The following ERICH5 variants were observed in gnomAD, a reference collection of about 807,000 sequenced individuals.
ERICH5 encodes glutamate rich 5, also known as glutamate-rich protein 5.
A neutral mutation model predicts 28.0 loss-of-function variants in ERICH5; 24 were observed. That is an observed-to-expected ratio of 0.86 (90% CI 0.62 to 1.21). ERICH5 has a LOEUF of 1.21. Ranked by LOEUF, ERICH5 falls within the 50% of genes most tolerant of loss-of-function variation. The probability of loss-of-function intolerance (pLI) is 0.00; values close to 1 mark genes in which losing one functional copy is unlikely to be tolerated. For missense variants in ERICH5, 421 were observed against 441.2 expected (o/e 0.95, Z 0.41); for synonymous variants, 163 against 157.6 (o/e 1.03, Z -0.25).
intron 1 of ERICH5, among the ~76,000 whole-genome samples, chr8:98,069,400 C>A (rs1027423232): frequency 6.6e-6 from 1 of 150,514 alleles, no homozygotes; most frequent in South Asian, 2.1e-4. Context: ...TTTATATATT[C>A]TTTTGAAGTT....
At chr8:98,091,621 A>G (rs1563759295) in intron 2 of ERICH5, among the ~76,000 whole-genome samples, 2 of 152,236 alleles carry the variant, frequency 1.3e-5, no homozygotes. Context: ...AGCTCCAGCC[A>G]TGGAACTAGG....
rs1469623836 is a variant in ERICH5 at position 98,091,925 on chromosome 8, CTTTCTTT to C, written c.1013-1295_1013-1289del. Among the ~76,000 whole-genome samples the C allele has an allele frequency of 8.0e-4, 53 of 66,486 alleles. 3 individuals carry two copies. The highest frequency in any genetic ancestry group is 3.0e-3 in the African/African-American group (50 of 16,398). The allele number at this position is 66,486 out of a possible 152,430, so 43.6% of individuals were successfully genotyped here. A position where few individuals can be genotyped will look rare whatever the true frequency, so the allele number is the denominator to read the frequency against. On this transcript the variant is annotated intron_variant, in intron 2 of 2. Coordinates refer to ENST00000318528, the MANE Select transcript of ERICH5 (RefSeq NM_173549.3). ...CCTTTCTTTCTTTCTTTCTTCCTTT[CTTTCTTT>C]CTTCCTTTCTTTCTTTCTTCTTTCT...
intron 1 of ERICH5, among the ~76,000 whole-genome samples, chr8:98,068,753 A>G (rs1313492331): frequency 6.6e-6 from 1 of 152,206 alleles, no homozygotes; most frequent in African/African-American, 2.4e-5. Flanking sequence ...CTTCTTTCCA[A>G]GGTGTTACAG....
At chr8:98,090,424 G>T (rs951985474) in intron 2 of ERICH5, among the ~76,000 whole-genome samples, 22 of 151,996 alleles carry the variant, frequency 1.4e-4, no homozygotes, top group Non-Finnish European at 2.8e-4. Context: ...TATACATAAT[G>T]GATCTTAGAA....
chr8:98,077,099 T>C (rs887762105), intron 1 of ERICH5, among the ~76,000 whole-genome samples: 10 of 128,514 alleles, frequency 7.8e-5, no homozygotes, highest in African/African-American at 2.7e-4. Flanking sequence ...CCTGTCTCTA[T>C]TAAAAAAAAA....
chr8:98,080,538 A>G (rs1815159884), intron 1 of ERICH5, among the ~76,000 whole-genome samples: 1 of 152,166 alleles, frequency 6.6e-6, no homozygotes, highest in Non-Finnish European at 1.5e-5. Flanking sequence ...AGATGGTTCA[A>G]AACAACTATT....
At chr8:98,080,776 C>G (rs1815169422) in intron 1 of ERICH5, among the ~76,000 whole-genome samples, 1 of 145,410 alleles carries the variant, frequency 6.9e-6, no homozygotes, top group African/African-American at 2.5e-5. Flanking sequence ...GATCTTGGCT[C>G]ACTACAACCT....
intron 1 of ERICH5, among the ~76,000 whole-genome samples, chr8:98,071,671 A>G (rs147425091): frequency 6.6e-6 from 1 of 151,700 alleles, no homozygotes; most frequent in Admixed American, 6.6e-5. Context: ...AAAGTGCCAG[A>G]CTATAGCTCT....
rs1476694437 is a variant in ERICH5 at position 98,064,678 on chromosome 8, C to T, written c.9C>T (p.Cys3=). MG[C]SSSALNKAGD... is the part of the protein sequence containing the mutation. ...TGTCTGCGCTCCCCGCAATGGGCTG[C>T]TCCAGCAGCGCCCTCAACAAGGCCG... The change falls in exon 1 of 3, where the codon TGC becomes TGT. Residue 3 remains cysteine (C), a synonymous_variant. Transcript: ENST00000318528. 1.3e-6 allele frequency: 2 copies of T among 1,536,774 alleles called. No individual in the cohort carries two copies. Among genetic ancestry groups the T allele is most frequent in the Non-Finnish European group, 8.7e-7 (1 of 1,143,310 alleles).
intron 1 of ERICH5, among the ~76,000 whole-genome samples, chr8:98,064,932 C>T (rs1329836425): frequency 1.3e-5 from 2 of 152,214 alleles, no homozygotes; most frequent in Non-Finnish European, 2.9e-5. Context: ...TGCGGCGGCC[C>T]TGGTGCGCTC....
chr8:98,084,538 G>T (rs1463196188), intron 1 of ERICH5, among the ~76,000 whole-genome samples: 1 of 151,940 alleles, frequency 6.6e-6, no homozygotes, highest in Non-Finnish European at 1.5e-5. Context: ...ATGCAACCAC[G>T]CCTGGCTAAT....
At chr8:98,091,900 C>CCTTTCTTTCTTTCTTTCTTTCTTTCTTT (rs74202034) in intron 2 of ERICH5, among the ~76,000 whole-genome samples, 109 of 74,696 alleles carry the variant, frequency 1.5e-3, no homozygotes, top group African/African-American at 2.0e-3. Flanking sequence ...TTCTTTCTTT[C>CCTTTCTTTCTTTCTTTCTTTCTTTCTTT]CTTTCTTTCT....
At chr8:98,081,086 T>C (rs201926971) in intron 1 of ERICH5, among the ~76,000 whole-genome samples, 41 of 149,626 alleles carry the variant, frequency 2.7e-4, no homozygotes, top group Admixed American at 1.6e-3. Context: ...CATAATTTCT[T>C]TCTCTCTCTC....
Position 98,093,092 on chromosome 8 carries a change from A to G in ERICH5, c.1013-129A>G, listed in dbSNP as rs929628897. ...CCAGCTGAGATGATTACTTTTCTTG[A>G]TACCCCCAGAGAAACTTACTGCTTA... On this transcript the variant is annotated intron_variant, in intron 2 of 2. Coordinates refer to ENST00000318528, the MANE Select transcript of ERICH5 (RefSeq NM_173549.3). The G allele has an allele frequency of 1.0e-5, 6 of 589,872 alleles. No individual in the cohort carries two copies. The African/African-American group carries it at 1.1e-4, about 11-fold the overall frequency. The allele number at this position is 589,872 out of a possible 1,614,324, so 36.5% of individuals were successfully genotyped here. A position where few individuals can be genotyped will look rare whatever the true frequency, so the allele number is the denominator to read the frequency against.
At chr8:98,090,281 A>G (rs1160156932) in intron 2 of ERICH5, among the ~76,000 whole-genome samples, 1 of 152,244 alleles carries the variant, frequency 6.6e-6, no homozygotes, top group Non-Finnish European at 1.5e-5. Context: ...AGTGTCTAAC[A>G]TTGAAGGCAA....
chr8:98,086,837 G>C lies in ERICH5; in HGVS notation c.59-2239G>C, dbSNP rs183106481. Among the ~76,000 whole-genome samples the C allele has an allele frequency of 2.6e-3, 397 of 151,906 alleles. 2 individuals are homozygous for C. Among genetic ancestry groups the C allele is most frequent in the East Asian group, 0.02 (103 of 5,156 alleles). ...GTGGTGGTGGGTGCCTGTAGTCCCAGCTACTCGGGAGGCTGAGGCAGGAGA... is the reference window on the plus strand; with the variant it reads ...GTGGTGGTGGGTGCCTGTAGTCCCACCTACTCGGGAGGCTGAGGCAGGAGA... On this transcript the variant is annotated intron_variant, in intron 1 of 2. Transcript: ENST00000318528.
At chr8:98,079,594 C>A (rs1328870771) in intron 1 of ERICH5, among the ~76,000 whole-genome samples, 2 of 152,158 alleles carry the variant, frequency 1.3e-5, no homozygotes, top group African/African-American at 2.4e-5. Context: ...GGCTGGAGTG[C>A]AGTGGCGCAA....
chr8:98,064,957 C>G (rs1292296583), intron 1 of ERICH5, among the ~76,000 whole-genome samples: 8 of 152,210 alleles, frequency 5.3e-5, no homozygotes, highest in Non-Finnish European at 1.2e-4. Context: ...GCGCTCGCTG[C>G]GAGACGCGCG....
rs1815439517 is a variant in ERICH5 at position 98,093,231 on chromosome 8, G to A, written c.1023G>A (p.Gly341=). The A allele has an allele frequency of 6.2e-7, 1 of 1,612,632 alleles. No homozygotes were observed. The highest frequency in any genetic ancestry group is 8.5e-7 in the Non-Finnish European group (1 of 1,179,032). ...EEDQRIEGET[G]EKVETDMENE... is the part of the protein sequence containing the mutation. ...TGGTTACTTTTCCAGGTGAGACAGGGGAAAAGGTGGAAACAGACATGGAGA... is the reference window on the plus strand; with the variant it reads ...TGGTTACTTTTCCAGGTGAGACAGGAGAAAAGGTGGAAACAGACATGGAGA... Residue 341 remains glycine, a synonymous_variant, in exon 3 of 3, where the codon GGG becomes GGA. Transcript: ENST00000318528.
Sources: gnomAD v4.1 joint callset for allele counts (sites outside exome capture counted in the v4.1 genomes callset) on GRCh38, gnomAD v4.1.1 for gene constraint, MANE v1.5 for transcripts, NCBI Gene and HGNC (gene_info 2026-07-23, HGNC 2026-07-21) for gene names.